The following ALPK2 variants were observed in gnomAD, a reference collection of about 807,000 sequenced individuals.
ALPK2 encodes the protein alpha-protein kinase 2.
A neutral mutation model predicts 163.1 loss-of-function variants in ALPK2; 127 were observed. That is an observed-to-expected ratio of 0.78 (90% confidence interval 0.67 to 0.90). ALPK2 has a LOEUF of 0.90. Among genes scored for constraint, ALPK2 ranks in the 40% least tolerant of loss-of-function variants. The pLI, the probability that ALPK2 is intolerant of heterozygous loss-of-function variation, is 0.00. For synonymous variants in ALPK2, 953 were observed against 959.1 expected, an observed-to-expected ratio of 0.99 and a Z score of 0.12; for missense variants, 2,360 against 2,589.6, an observed-to-expected ratio of 0.91 and a Z score of 1.92.
At chr18:58,489,541 G>C (rs2051361073) in intron 12 of ALPK2, among the ~76,000 whole-genome samples, 1 of 151,974 alleles carries the variant, frequency 6.6e-6, no homozygotes, top group African/African-American at 2.4e-5. Context: ...ATTAAAAATA[G>C]CTGGGTGTGG....
chr18:58,549,000 G>A (rs1260323230), intron 4 of ALPK2, among the ~76,000 whole-genome samples: 1 of 152,120 alleles, frequency 6.6e-6, no homozygotes, highest in Admixed American at 6.5e-5. Context: ...AGGCTCCTGC[G>A]TTTTGGTTAA....
chr18:58,556,365 C>G (rs1054089103), intron 4 of ALPK2, among the ~76,000 whole-genome samples: 1 of 152,188 alleles, frequency 6.6e-6, no homozygotes. Context: ...TTAACCTCAT[C>G]GATAGAGACA....
chr18:58,531,538 A>G (rs1402307642), intron 5 of ALPK2, among the ~76,000 whole-genome samples: 2 of 151,712 alleles, frequency 1.3e-5, no homozygotes, highest in East Asian at 3.9e-4. Flanking sequence ...TGTTGCTTAC[A>G]CTGAGAAAAC....
At position 58,538,231 on chromosome 18, in the gene ALPK2, A is replaced by G; in HGVS notation, c.1963-7T>C. On this transcript the variant is annotated splice_polypyrimidine_tract_variant and splice_region_variant and intron_variant, in intron 4 of 12. Transcript: ENST00000361673. ...CTGTTTCCTGAACTTGTACCTAGGA[A>G]GATGAAAAGTGATATTAGTAGAATT... is the stretch of plus-strand genomic sequence containing the variant. 6.2e-7 allele frequency: 1 copy of G among 1,604,084 alleles called. No individual in the cohort carries two copies. The highest frequency in any genetic ancestry group is 8.5e-7 in the Non-Finnish European group (1 of 1,178,080).
intron 4 of ALPK2, among the ~76,000 whole-genome samples, chr18:58,571,151 A>G (rs2051883809): frequency 6.6e-6 from 1 of 151,994 alleles, no homozygotes; most frequent in Non-Finnish European, 1.5e-5. Context: ...CCTCCCAAGT[A>G]GCTGGGATTA....
At chr18:58,494,922 G>A (rs17065093) in intron 12 of ALPK2, among the ~76,000 whole-genome samples, 26,943 of 152,080 alleles carry the variant, frequency 0.18, 2,526 homozygotes, top group Non-Finnish European at 0.19. Context: ...ACATTCACTG[G>A]AGAACTTTTT....
intron 4 of ALPK2, among the ~76,000 whole-genome samples, chr18:58,565,910 T>A (rs2051850544): frequency 1.3e-5 from 2 of 152,034 alleles, no homozygotes; most frequent in Non-Finnish European, 2.9e-5. Context: ...GCCTCCCGAG[T>A]AGCTGGGACT....
chr18:58,569,075 G>A (rs1274496730), intron 4 of ALPK2, among the ~76,000 whole-genome samples: 1 of 152,202 alleles, frequency 6.6e-6, no homozygotes, highest in African/African-American at 2.4e-5. Context: ...TTAGCCAGGT[G>A]TAGTGGCATG....
At chr18:58,543,539 G>A (rs1473713466) in intron 4 of ALPK2, 6 of 252,700 alleles carry the variant, frequency 2.4e-5, no homozygotes, top group African/African-American at 1.2e-4. Flanking sequence ...AGATGACCAC[G>A]TTCTGGGGCC....
chr18:58,482,250 A>C (rs1249161042), intron 12 of ALPK2, among the ~76,000 whole-genome samples: 1 of 152,236 alleles, frequency 6.6e-6, no homozygotes, highest in African/African-American at 2.4e-5. Context: ...CTGCTGGCAC[A>C]TACAGTGATG....
intron 3 of ALPK2, among the ~76,000 whole-genome samples, chr18:58,594,415 G>A (rs1311781284): frequency 3.3e-5 from 5 of 152,094 alleles, no homozygotes; most frequent in Non-Finnish European, 5.9e-5. Flanking sequence ...GTCACCAAGC[G>A]AGCATAATGT....
At chr18:58,551,384 C>G (rs2051759337) in intron 4 of ALPK2, among the ~76,000 whole-genome samples, 1 of 152,200 alleles carries the variant, frequency 6.6e-6, no homozygotes, top group African/African-American at 2.4e-5. Context: ...CAGTCTCTCC[C>G]TCCGTCTTCA....
intron 4 of ALPK2, among the ~76,000 whole-genome samples, chr18:58,576,384 A>G (rs1428216241): frequency 6.6e-6 from 1 of 152,164 alleles, no homozygotes; most frequent in Non-Finnish European, 1.5e-5. Flanking sequence ...AAAAAGATAA[A>G]AGGAAAAAGA....
At chr18:58,519,879 T>A (rs2051540670) in intron 8 of ALPK2, among the ~76,000 whole-genome samples, 1 of 152,088 alleles carries the variant, frequency 6.6e-6, no homozygotes, top group Non-Finnish European at 1.5e-5. Context: ...TTGGTTAGAG[T>A]TTGCACCTCT....
At position 58,535,790 on chromosome 18, in the gene ALPK2, C is replaced by G; in HGVS notation, c.4397G>C (p.Arg1466Thr). 1 of 1,614,234 alleles carries G rather than the reference C, an allele frequency of 6.2e-7. No homozygotes were observed. The highest frequency in any genetic ancestry group is 8.5e-7 in the Non-Finnish European group (1 of 1,180,030). The part of the protein sequence containing the change: ...CLQGTILSEN[R>T]ISRSQEGSMK... ...ACTGCCTTCTTGGCTTCTGCTGATT[C>G]TATTTTCACTCAGAATGGTTCCCTG... Residue 1466 changes from arginine to threonine, a missense_variant, in exon 5 of 13, where the codon AGA becomes ACA. Transcript: ENST00000361673.
At chr18:58,609,353 G>C (rs1201371643) in intron 2 of ALPK2, among the ~76,000 whole-genome samples, 1 of 152,174 alleles carries the variant, frequency 6.6e-6, no homozygotes, top group Non-Finnish European at 1.5e-5. Context: ...AACCATCAAG[G>C]GGTTTCTGAT....
Position 58,623,456 on chromosome 18 carries a change from G to A in ALPK2, c.-21+5308C>T, listed in dbSNP as rs146564729. 2.1e-3 allele frequency among the ~76,000 whole-genome samples: 315 copies of A among 152,030 alleles called. 1 individual carries two copies. The highest frequency in any genetic ancestry group is 7.2e-3 in the African/African-American group (298 of 41,488). On this transcript the variant is annotated intron_variant, in intron 1 of 12. Coordinates refer to ENST00000361673, the MANE Select transcript of ALPK2 (RefSeq NM_052947.4). ...CGTAGGGTGCAGTACTGCAGCCAAC[G>A]GTTCATTCCATTTCTTTTTATTTCT...
intron 3 of ALPK2, among the ~76,000 whole-genome samples, chr18:58,603,923 A>G (rs950758822): frequency 6.6e-6 from 1 of 152,148 alleles, no homozygotes. Flanking sequence ...TGCCAAGCAC[A>G]CTTGACCCGT....
intron 4 of ALPK2, among the ~76,000 whole-genome samples, chr18:58,567,332 C>T (rs547282620): frequency 2.6e-5 from 4 of 151,868 alleles, no homozygotes; most frequent in African/African-American, 7.3e-5. Flanking sequence ...TGCAGTGAGC[C>T]GAGATTGCGC....
Sources: gnomAD v4.1 joint callset for allele counts (sites outside exome capture counted in the v4.1 genomes callset) on GRCh38, gnomAD v4.1.1 for gene constraint, MANE v1.5 for transcripts, NCBI Gene and HGNC (gene_info 2026-07-23, HGNC 2026-07-21) for gene names.